SLIRP: variants seen among roughly 807,000 people sequenced by gnomAD.
The protein encoded by SLIRP is SRA stem-loop interacting RNA binding protein, also known as SRA stem-loop-interacting RNA-binding protein, mitochondrial.
In SLIRP, 12 loss-of-function variants were observed where a neutral mutation model predicts 13.4. The ratio of observed to expected loss-of-function variants is 0.89; its 90% CI spans 0.57 to 1.45. The LOEUF (loss-of-function observed/expected upper bound fraction) is 1.45, where lower values mean the gene tolerates loss of function less well. SLIRP is among the 40% of genes most tolerant of loss of function. The pLI is 0.00. For synonymous variants in SLIRP, 55 were observed against 47.1 expected (o/e 1.17, Z -0.69); for missense variants, 154 against 132.2 (o/e 1.17, Z -0.81).
chr14:77,710,762 A>G, intron 1 of SLIRP, 76 bp from the exon 2 acceptor site: 3 of 1,593,882 alleles, frequency 1.9e-6, no homozygotes, highest in Non-Finnish European at 2.6e-6. Flanking sequence ...AAATCTGGTG[A>G]CCCTGTCTTT....
At chr14:77,712,796 GGCTCTGAGTTGGGA>G (rs2080451129) in intron 2 of SLIRP, among the ~76,000 whole-genome samples, 1 of 152,062 alleles carries the variant, frequency 6.6e-6, no homozygotes, top group Non-Finnish European at 1.5e-5. Flanking sequence ...GTTGACCTTT[GGCTCTGAGTTGGGA>G]GCTGCTCTCA....
At chr14:77,708,358 C>T (rs2080412600) in intron 1 of SLIRP, 150 bp downstream of exon 1, 6 of 770,800 alleles carry the variant, frequency 7.8e-6, no homozygotes, top group South Asian at 1.8e-5. Context: ...ATTTTGTTTG[C>T]AGTTAACCGT....
chr14:77,709,349 G>T (rs1253986747), intron 1 of SLIRP, among the ~76,000 whole-genome samples: 1 of 152,210 alleles, frequency 6.6e-6, no homozygotes, highest in Non-Finnish European at 1.5e-5. Context: ...TAGTGGCTCA[G>T]ATGTGAGTAG....
At chr14:77,717,241 G>A (rs1381680788) in intron 3 of SLIRP, among the ~76,000 whole-genome samples, 1 of 152,202 alleles carries the variant, frequency 6.6e-6, no homozygotes, top group Non-Finnish European at 1.5e-5. Context: ...TCTTGCCTCA[G>A]CTTGCCAAAA....
At chr14:77,713,485 A>C (rs2080455718) in intron 2 of SLIRP, among the ~76,000 whole-genome samples, 1 of 152,200 alleles carries the variant, frequency 6.6e-6, no homozygotes, top group African/African-American at 2.4e-5. Flanking sequence ...AGTGCCGGTG[A>C]AGGTGTAGGG....
intron 1 of SLIRP, among the ~76,000 whole-genome samples, chr14:77,709,793 T>C (rs2080426556): frequency 6.6e-6 from 1 of 152,238 alleles, no homozygotes; most frequent in African/African-American, 2.4e-5. Flanking sequence ...CAGTATCATA[T>C]TCTGTGAGAC....
At chr14:77,714,877 C>T (rs176955) in intron 2 of SLIRP, among the ~76,000 whole-genome samples, 126,090 of 152,122 alleles carry the variant, frequency 0.83, 52,355 homozygotes, top group Middle Eastern at 0.86. Flanking sequence ...TGTTTTCTGT[C>T]GAAGGGCTGG....
rs140661153 is a variant in SLIRP at position 77,708,351 on chromosome 14, T to G, written c.97+143T>G. Reference sequence around the variant, plus strand: ...GCATGCAAGTGAGCAGAAAGAAATTTTGTTTGCAGTTAACCGTTTAGGGAT... The same window carrying G: ...GCATGCAAGTGAGCAGAAAGAAATTGTGTTTGCAGTTAACCGTTTAGGGAT... On this transcript the variant is annotated intron_variant, in intron 1 of 3. Coordinates refer to ENST00000557342, the MANE Select transcript of SLIRP (RefSeq NM_031210.6). 51 of 806,266 alleles carry G rather than the reference T, an allele frequency of 6.3e-5. No individual in the cohort carries two copies. The African/African-American group carries it at 7.7e-4, about 12-fold the overall frequency. The allele number at this position is 806,266 out of a possible 1,614,324, so 49.9% of individuals were successfully genotyped here. A position where few individuals can be genotyped will look rare whatever the true frequency, so the allele number is the denominator to read the frequency against.
At chr14:77,709,135 G>T (rs2080419880) in intron 1 of SLIRP, among the ~76,000 whole-genome samples, 1 of 152,134 alleles carries the variant, frequency 6.6e-6, no homozygotes, top group Non-Finnish European at 1.5e-5. Context: ...TACGGGAGAG[G>T]CCTAGTCTAC....
intron 1 of SLIRP, among the ~76,000 whole-genome samples, chr14:77,710,315 A>G: frequency 6.6e-6 from 1 of 152,136 alleles, no homozygotes; most frequent in East Asian, 1.9e-4. Context: ...AGGGGAGAGA[A>G]CAACATATGC....
chr14:77,717,461 TGC>T, intron 3 of SLIRP, 33 bp from the exon 4 acceptor site: 6 of 1,584,274 alleles, frequency 3.8e-6, no homozygotes, highest in African/African-American at 1.4e-5. Context: ...TTGCAGACAT[TGC>T]CTTTCCTCCC....
chr14:77,715,188 T>A (rs1225579553), intron 2 of SLIRP, among the ~76,000 whole-genome samples: 1 of 152,056 alleles, frequency 6.6e-6, no homozygotes, highest in Non-Finnish European at 1.5e-5. Flanking sequence ...CCCTTAGCTA[T>A]TACTGTTAGT....
intron 1 of SLIRP, among the ~76,000 whole-genome samples, chr14:77,709,748 G>A (rs572309395): frequency 1.3e-4 from 20 of 152,110 alleles, no homozygotes; most frequent in South Asian, 1.0e-3. Context: ...TTAATTATCT[G>A]GTATAAAACA....
intron 2 of SLIRP, among the ~76,000 whole-genome samples, chr14:77,713,352 A>C (rs1039599343): frequency 1.3e-5 from 2 of 152,170 alleles, no homozygotes; most frequent in African/African-American, 4.8e-5. Context: ...CACTTCACTG[A>C]AACCCTTTTT....
At chr14:77,713,967 CA>C (rs984445425) in intron 2 of SLIRP, among the ~76,000 whole-genome samples, 19 of 151,502 alleles carry the variant, frequency 1.3e-4, no homozygotes, top group African/African-American at 3.6e-4. Context: ...TAAAATATGA[CA>C]AAAAAAATAT....
chr14:77,716,742 AAC>A (rs2080486027), intron 3 of SLIRP, among the ~76,000 whole-genome samples: 1 of 151,638 alleles, frequency 6.6e-6, no homozygotes, highest in Non-Finnish European at 1.5e-5. Context: ...CAAGATATGT[AAC>A]ACAGTGGACA....
intron 3 of SLIRP, among the ~76,000 whole-genome samples, chr14:77,716,642 CAAA>C (rs56736320): frequency 0.11 from 8,716 of 81,014 alleles, 289 homozygotes; most frequent in Middle Eastern, 0.15. Context: ...AACTCCATCT[CAAA>C]AAAAAAAAAA....
intron 3 of SLIRP, 126 bp downstream of exon 3, chr14:77,716,005 C>G: frequency 1.2e-6 from 1 of 802,792 alleles, no homozygotes; most frequent in Admixed American, 2.6e-5. Context: ...CTGAAGCTGC[C>G]TTAATGCTTG....
At chr14:77,715,101 G>A (rs2080466418) in intron 2 of SLIRP, among the ~76,000 whole-genome samples, 1 of 152,162 alleles carries the variant, frequency 6.6e-6, no homozygotes, top group African/African-American at 2.4e-5. Flanking sequence ...ATTCAGAAAT[G>A]AGTGCAACAA....
Sources: allele counts gnomAD v4.1 joint callset (sites outside exome capture counted in the v4.1 genomes callset), GRCh38; gene constraint gnomAD v4.1.1; transcripts MANE v1.5; gene names NCBI Gene and HGNC (gene_info 2026-07-23, HGNC 2026-07-21).